SNX19: variants seen among roughly 807,000 people sequenced by gnomAD.
The protein encoded by SNX19 is sorting nexin-19.
In SNX19, 60 loss-of-function variants were observed where a neutral mutation model predicts 85.2. The ratio of observed to expected loss-of-function variants is 0.70; its 90% CI spans 0.57 to 0.87. The LOEUF is 0.87. SNX19 is among the 40% of genes least tolerant of loss of function. The pLI, the probability that SNX19 is intolerant of heterozygous loss-of-function variation, is 0.00. For missense variants in SNX19, 1,201 were observed against 1,217.8 expected, an observed-to-expected ratio of 0.99 and a Z score of 0.21; for synonymous variants, 520 against 470.0, an observed-to-expected ratio of 1.11 and a Z score of -1.38.
In SNX19 at chr11:130,873,685, G is replaced by A. The variant is rs1943112532; in HGVS notation, c.*4737C>T. Among the ~76,000 whole-genome samples, 1 of 152,108 alleles carries A rather than the reference G, an allele frequency of 6.6e-6. No homozygotes were observed. Among genetic ancestry groups the A allele is most frequent in the African/African-American group, 2.4e-5 (1 of 41,426 alleles). Reference sequence around the variant, plus strand: ...ACTACATCAGAACCTACCTTTAAGGGTTGATTTGTGGGTTAAATAAGTGAA... The same window carrying A: ...ACTACATCAGAACCTACCTTTAAGGATTGATTTGTGGGTTAAATAAGTGAA... On this transcript the variant is annotated 3_prime_UTR_variant, in exon 11 of 11. Transcript: ENST00000265909.
intron 8 of SNX19, among the ~76,000 whole-genome samples, chr11:130,894,100 C>G (rs3794142): frequency 0.23 from 35,321 of 152,040 alleles, 4,384 homozygotes; most frequent in African/African-American, 0.33. Flanking sequence ...AACATCGGGG[C>G]TATTCAGCAC....
At chr11:130,891,931 C>T in intron 8 of SNX19, among the ~76,000 whole-genome samples, 1 of 151,574 alleles carries the variant, frequency 6.6e-6, no homozygotes, top group Non-Finnish European at 1.5e-5. Context: ...ACCTCCACCT[C>T]CTGGGTTCAA....
At chr11:130,914,186 C>T in intron 1 of SNX19, 80 bp downstream of exon 1, 2 of 1,214,532 alleles carry the variant, frequency 1.6e-6, no homozygotes, top group Non-Finnish European at 2.3e-6. Context: ...AGCATCTCTC[C>T]CCCAAGAACA....
At chr11:130,912,609 A>T (rs1431643687) in intron 1 of SNX19, among the ~76,000 whole-genome samples, 1 of 152,170 alleles carries the variant, frequency 6.6e-6, no homozygotes, top group African/African-American at 2.4e-5. Flanking sequence ...TGTGGGCAAG[A>T]GGTGGAAAAA....
In SNX19 at chr11:130,915,852, T is replaced by A. The variant is rs980568497; in HGVS notation, c.88A>T (p.Met30Leu). ...CAGCCAAGCAAGACCCCCACAGCCA[T>A]CAGCTTCCGGCTACTCAACAGGTTA... is the stretch of plus-strand genomic sequence containing the variant. ...LNNLLSSRKL[M>L]AVGVLLGWLL... The change falls in exon 1 of 11, where the codon ATG (methionine) becomes TTG (leucine). Residue 30 changes from methionine (M) to leucine (L), a missense_variant. Transcript: ENST00000265909. 3 of 1,614,050 alleles carry A rather than the reference T, an allele frequency of 1.9e-6. No individual in the cohort carries two copies. The African/African-American group carries it at 4.0e-5, about 22-fold the overall frequency.
intron 8 of SNX19, among the ~76,000 whole-genome samples, chr11:130,896,281 A>G (rs529205575): frequency 1.3e-5 from 2 of 152,344 alleles, no homozygotes; most frequent in South Asian, 4.1e-4. Flanking sequence ...ACTGTAATCT[A>G]TGCTTCCTGA....
intron 5 of SNX19, among the ~76,000 whole-genome samples, chr11:130,907,327 G>GACAC (rs931320318): frequency 2.4e-4 from 34 of 143,972 alleles, no homozygotes; most frequent in Non-Finnish European, 2.2e-4. Context: ...CACAGAGACA[G>GACAC]AGACACACAC....
intron 5 of SNX19, 126 bp from the exon 6 acceptor site, chr11:130,906,847 T>C: frequency 2.9e-6 from 2 of 690,710 alleles, no homozygotes; most frequent in South Asian, 3.5e-5. Context: ...GAGCTTACTG[T>C]GGTCAGAGCT....
At position 130,915,152 on chromosome 11, in the gene SNX19, A is replaced by C. The variant is rs1946453389; in HGVS notation, c.788T>G (p.Val263Gly). Residue 263 changes from valine to glycine, a missense_variant, in exon 1 of 11, where the codon GTA becomes GGA. Val to Gly is a moderately radical substitution (Grantham distance 109). Transcript: ENST00000265909. ...RLSDPDWIHL[V>G]LVGIFSKARD... The stretch of plus-strand genomic sequence containing the variant: ...GGCCTTGGAAAAGATACCCACGAGT[A>C]CAAGGTGGATCCAGTCAGGATCTGA... The C allele has an allele frequency of 6.2e-7, 1 of 1,614,194 alleles. No homozygotes were observed. Among genetic ancestry groups the C allele is most frequent in the Non-Finnish European group, 8.5e-7 (1 of 1,180,036 alleles).
intron 1 of SNX19, among the ~76,000 whole-genome samples, chr11:130,912,235 ATAAAT>A (rs1185308850): frequency 3.9e-5 from 6 of 152,350 alleles, no homozygotes; most frequent in African/African-American, 9.6e-5. Flanking sequence ...TTTATCTGGA[ATAAAT>A]TAAAGGGTAT....
At chr11:130,882,454 C>G (rs1453482760) in intron 8 of SNX19, among the ~76,000 whole-genome samples, 1 of 152,246 alleles carries the variant, frequency 6.6e-6, no homozygotes, top group Non-Finnish European at 1.5e-5. Context: ...GCCATGAGGG[C>G]TGCAATCCCC....
At chr11:130,906,249 C>T (rs982198509) in intron 6 of SNX19, 116 bp from the exon 7 acceptor site, 2 of 1,020,120 alleles carry the variant, frequency 2.0e-6, no homozygotes, top group Non-Finnish European at 2.8e-6. Context: ...TAAAACCCAA[C>T]TGATGCTATG....
chr11:130,886,093 T>C lies in SNX19; in HGVS notation c.2574-5287A>G, dbSNP rs903902703. 2.3e-4 allele frequency among the ~76,000 whole-genome samples: 35 copies of C among 152,238 alleles called. 1 individual carries two copies. The highest frequency in any genetic ancestry group is 1.0e-4 in the Non-Finnish European group (7 of 68,048). ...CAAAATTGCTCCAGTTGAGAATTAC[T>C]GCCTTAGACCCAGGGACTTTTGGAT... On this transcript the variant is annotated intron_variant, in intron 8 of 10. Coordinates refer to ENST00000265909, the MANE Select transcript of SNX19 (RefSeq NM_014758.3).
chr11:130,892,220 A>C (rs1944549624), intron 8 of SNX19, among the ~76,000 whole-genome samples: 1 of 150,270 alleles, frequency 6.7e-6, no homozygotes, highest in East Asian at 1.9e-4. Context: ...GCCCCATACT[A>C]TGTTGCTACC....
chr11:130,915,873 G>A lies in SNX19; in HGVS notation c.67C>T (p.Leu23=). ...GCCATCAGCTTCCGGCTACTCAACA[G>A]GTTATTGAGGTGACAGCTCGATCCA... The part of the protein sequence containing the change: ...PAGSSCHLNN[L]LSSRKLMAVG... Residue 23 remains leucine (L), a synonymous_variant, in exon 1 of 11, where the codon CTG becomes TTG. Coordinates refer to ENST00000265909, the MANE Select transcript of SNX19 (RefSeq NM_014758.3). 1 of 1,614,222 alleles carries A rather than the reference G, an allele frequency of 6.2e-7. No individual in the cohort carries two copies. Among genetic ancestry groups the A allele is most frequent in the Non-Finnish European group, 8.5e-7 (1 of 1,180,038 alleles).
rs1319852816 is a variant in SNX19, at chr11:130,877,991, T to G, written c.*431A>C. 2 of 153,036 alleles carry G rather than the reference T, an allele frequency of 1.3e-5. No individual in the cohort carries two copies. Among genetic ancestry groups the G allele is most frequent in the African/African-American group, 4.8e-5 (2 of 41,468 alleles). The allele number at this position is 153,036 out of a possible 1,614,324, so 9.5% of individuals were successfully genotyped here. On this transcript the variant is annotated 3_prime_UTR_variant, in exon 11 of 11. Transcript: ENST00000265909. ...AGGAACAGAGAGCTGAGAAGGTTGT[T>G]TTCTCCTCCAAGGAAATCTGGCCAC...
chr11:130,908,279 A>G (rs1323055893), intron 4 of SNX19, 196 bp from the exon 5 acceptor site: 2 of 471,904 alleles, frequency 4.2e-6, no homozygotes, highest in Non-Finnish European at 7.0e-6. Flanking sequence ...TTCCATGGCC[A>G]TAAAAATCTT....
intron 8 of SNX19, among the ~76,000 whole-genome samples, chr11:130,897,567 T>C (rs536237849): frequency 5.3e-5 from 8 of 152,314 alleles, no homozygotes; most frequent in African/African-American, 1.9e-4. Flanking sequence ...TATCGTGGCA[T>C]TGCTCTGGGT....
Position 130,893,717 on chromosome 11 carries a change from A to C in SNX19, c.2573+9538T>G. 4.4e-6 allele frequency: 3 copies of C among 679,250 alleles called. No homozygotes were observed. In the Admixed American group the frequency reaches 6.9e-5, roughly 16 times the overall value. 42.1% of individuals were successfully genotyped at this position (679,250 alleles called of 1,614,324 possible). A position where few individuals can be genotyped will look rare whatever the true frequency, so the allele number is the denominator to read the frequency against. On this transcript the variant is annotated intron_variant, in intron 8 of 10. Coordinates refer to ENST00000265909, the MANE Select transcript of SNX19 (RefSeq NM_014758.3). ...TAATAAATAAAACTGGAAAAACAACAAAAAGGAAACCTGGGGGAGAGAGGA... is the reference window on the plus strand; with the variant it reads ...TAATAAATAAAACTGGAAAAACAACCAAAAGGAAACCTGGGGGAGAGAGGA...
Sources: gnomAD v4.1 joint callset for allele counts (sites outside exome capture counted in the v4.1 genomes callset) on GRCh38, gnomAD v4.1.1 for gene constraint, MANE v1.5 for transcripts, NCBI Gene and HGNC (gene_info 2026-07-23, HGNC 2026-07-21) for gene names.